Variants in ZNF836 observed in about 807,000 individuals in gnomAD.
ZNF836 encodes the protein zinc finger protein 836.
ZNF836 carries 12 observed loss-of-function variants against 7.4 expected under a neutral mutation model. That is an observed-to-expected ratio of 1.61 (90% CI 1.03 to 2.61). The LOEUF (loss-of-function observed/expected upper bound fraction) is 2.61, where lower values mean the gene tolerates loss of function less well. ZNF836 is among the 30% of genes most tolerant of loss of function. The pLI is 0.00. For synonymous variants in ZNF836, 365 were observed against 382.6 expected (o/e 0.95, Z 0.54); for missense variants, 998 against 1,126.2 (o/e 0.89, Z 1.63).
chr19:52,169,795 GA>G lies in ZNF836; in HGVS notation c.-214-15del, dbSNP rs11438599. On this transcript the variant is annotated splice_polypyrimidine_tract_variant and intron_variant, in intron 1 of 4. Coordinates refer to ENST00000682614, the MANE Select transcript of ZNF836 (RefSeq NM_001102657.3). ...CAGAGCAAGACCCTGTCTCAAAAAA[GA>G]AAAAAAAAAAAAAAAGACATACCTT... 2,855 of 75,580 alleles carry G rather than the reference GA, an allele frequency of 0.038. 75 individuals are homozygous for G. Among genetic ancestry groups the G allele is most frequent in the East Asian group, 0.18 (647 of 3,608 alleles). 4.7% of individuals were successfully genotyped at this position (75,580 alleles called of 1,614,324 possible). A position where few individuals can be genotyped will look rare whatever the true frequency, so the allele number is the denominator to read the frequency against.
chr19:52,154,402 T>C lies in ZNF836; in HGVS notation c.*470A>G, dbSNP rs141413267. ...TCAGCCAGGCGCAGTGGCTCACACC[T>C]ATAATCCCAGCACTTTGGGAGGCCG... is the stretch of plus-strand genomic sequence containing the variant. On this transcript the variant is annotated 3_prime_UTR_variant, in exon 5 of 5. Coordinates refer to ENST00000682614, the MANE Select transcript of ZNF836 (RefSeq NM_001102657.3). 2.2e-3 allele frequency among the ~76,000 whole-genome samples: 337 copies of C among 152,202 alleles called. 3 individuals carry two copies. Among genetic ancestry groups the C allele is most frequent in the Admixed American group, 7.3e-3 (111 of 15,282 alleles).
At position 52,155,650 on chromosome 19, in the gene ZNF836, C is replaced by T. The variant is rs1386637912; in HGVS notation, c.2033G>A (p.Arg678His). The T allele has an allele frequency of 6.2e-6, 10 of 1,613,928 alleles. No individual in the cohort carries two copies. Among genetic ancestry groups the T allele is most frequent in the South Asian group, 2.2e-5 (2 of 91,082 alleles). ...TATCAGATGTTTAGTGAGGCTTGAA[C>T]GCTGAGTATAGGCTTTGCCACAATC... is the stretch of plus-strand genomic sequence containing the variant. The part of the protein sequence containing the change: ...CNDCGKAYTQ[R>H]SSLTKHLIIH... Residue 678 changes from arginine (R) to histidine (H), a missense_variant, in exon 5 of 5, where the codon CGT becomes CAT. Coordinates refer to ENST00000682614, the MANE Select transcript of ZNF836 (RefSeq NM_001102657.3).
In ZNF836 at chr19:52,155,040, T is replaced by G. The variant is rs1360316641; in HGVS notation, c.2643A>C (p.Gln881His). ...AAGGTTTTTCTCCAGAATGAATCAT[T>G]TGGTGTTTGTTGAGGCAAGAAAACC... ...FGRFSCLNKHQMIHSGEKPYK... is the reference protein window; with the variant it reads ...FGRFSCLNKHHMIHSGEKPYK... The change falls in exon 5 of 5, where the codon CAA (glutamine) becomes CAC (histidine). Residue 881 changes from glutamine (Q) to histidine (H), a missense_variant. Transcript: ENST00000682614. The G allele has an allele frequency of 3.7e-6, 6 of 1,614,138 alleles. No homozygotes were observed. Among genetic ancestry groups the G allele is most frequent in the Admixed American group, 3.3e-5 (2 of 60,020 alleles).
In ZNF836 at chr19:52,161,520, C is replaced by T. The variant is rs1327283345; in HGVS notation, c.16-929G>A. Among the ~76,000 whole-genome samples the T allele has an allele frequency of 2.0e-5, 3 of 152,088 alleles. No individual in the cohort carries two copies. Among genetic ancestry groups the T allele is most frequent in the African/African-American group, 7.2e-5 (3 of 41,400 alleles). ...CTCCGTAGAATAAGCCTTTTGATAT[C>T]TCATTGACGAGAACACCATACCCAC... On this transcript the variant is annotated intron_variant, in intron 3 of 4. Transcript: ENST00000682614. The surrounding 1 kb of genome is among the most constrained non-coding windows in gnomAD (Gnocchi z 4.1).
intron 4 of ZNF836, 164 bp downstream of exon 4, chr19:52,160,301 A>T (rs2089201536): frequency 1.3e-6 from 1 of 754,308 alleles, no homozygotes; most frequent in African/African-American, 1.8e-5. Flanking sequence ...GTGTGATGAT[A>T]TGGGAAATGA....
chr19:52,171,337 T>TG lies in ZNF836; in HGVS notation c.-217dup, dbSNP rs1453729505. ...AAGGGAAGCAATTATCAGACTTACT[T>TG]GGGGCGAAGGGGCTGTTGCTGGTAT... On this transcript the variant is annotated splice_region_variant and 5_prime_UTR_variant, in exon 1 of 5. Coordinates refer to ENST00000682614, the MANE Select transcript of ZNF836 (RefSeq NM_001102657.3). 1.3e-5 allele frequency: 2 copies of TG among 152,408 alleles called. No homozygotes were observed. The highest frequency in any genetic ancestry group is 2.9e-5 in the Non-Finnish European group (2 of 68,244). The allele number at this position is 152,408 out of a possible 1,614,324, so 9.4% of individuals were successfully genotyped here.
Position 52,157,374 on chromosome 19 carries a change from T to C in ZNF836, c.309A>G (p.Lys103=), listed in dbSNP as rs897494260. 2 of 1,607,606 alleles carry C rather than the reference T, an allele frequency of 1.2e-6. No individual in the cohort carries two copies. The highest frequency in any genetic ancestry group is 2.7e-5 in the African/African-American group (2 of 74,430). Reference sequence around the variant, plus strand: ...CTTCTTTATAATTTATTTCACCATCTTTCCATTGAAACTCAAGGTCCTGTA... The same window carrying C: ...CTTCTTTATAATTTATTTCACCATCCTTCCATTGAAACTCAAGGTCCTGTA... ...KNLQDLEFQW[K]DGEINYKEVP... Residue 103 remains lysine, a synonymous_variant, in exon 5 of 5, where the codon AAA becomes AAG. Coordinates refer to ENST00000682614, the MANE Select transcript of ZNF836 (RefSeq NM_001102657.3).
chr19:52,156,205 G>C lies in ZNF836; in HGVS notation c.1478C>G (p.Thr493Ser). The C allele has an allele frequency of 6.2e-7, 1 of 1,614,194 alleles. No homozygotes were observed. The highest frequency in any genetic ancestry group is 8.5e-7 in the Non-Finnish European group (1 of 1,180,034). ...ATCACATTTGTAAGGTTTCTCTCCAGTATGAATTCTCCGATGCCCCACAAG... is the reference window on the plus strand; with the variant it reads ...ATCACATTTGTAAGGTTTCTCTCCACTATGAATTCTCCGATGCCCCACAAG... Reference protein sequence around the residue: ...SHLVGHRRIHTGEKPYKCDKC... With the variant: ...SHLVGHRRIHSGEKPYKCDKC... Residue 493 changes from threonine to serine, a missense_variant, in exon 5 of 5, where the codon ACT becomes AGT. By Grantham distance (58) the Thr-to-Ser change is moderately conservative (BLOSUM62 1). Transcript: ENST00000682614.
intron 4 of ZNF836, among the ~76,000 whole-genome samples, chr19:52,159,141 G>T (rs892921075): frequency 6.6e-6 from 1 of 152,096 alleles, no homozygotes; most frequent in East Asian, 1.9e-4. Context: ...TTGTTTAAAC[G>T]ACCCTATCTA....
chr19:52,164,612 G>C (rs1296033647), intron 3 of ZNF836, among the ~76,000 whole-genome samples: 6 of 151,980 alleles, frequency 3.9e-5, no homozygotes, highest in Admixed American at 3.9e-4. Context: ...AACTCAAAGG[G>C]GATTTTGACA....
At chr19:52,168,299 A>G (rs2089282942) in intron 2 of ZNF836, 147 bp from the exon 3 acceptor site, 1 of 541,532 alleles carries the variant, frequency 1.8e-6, no homozygotes, top group East Asian at 3.1e-5. Flanking sequence ...CTAAACAAAG[A>G]CCAAGTGTCC....
rs1193287189 is a variant in ZNF836, at chr19:52,169,775, C to G, written c.-208G>C. 2 of 143,832 alleles carry G rather than the reference C, an allele frequency of 1.4e-5. No individual in the cohort carries two copies. The highest frequency in any genetic ancestry group is 3.0e-5 in the Non-Finnish European group (2 of 66,798). 8.9% of individuals were successfully genotyped at this position (143,832 alleles called of 1,614,324 possible). A position where few individuals can be genotyped will look rare whatever the true frequency, so the allele number is the denominator to read the frequency against. On this transcript the variant is annotated 5_prime_UTR_variant, in exon 2 of 5. Coordinates refer to ENST00000682614, the MANE Select transcript of ZNF836 (RefSeq NM_001102657.3). ...GGCACTGTACTCTAGTCTGACAGAG[C>G]AAGACCCTGTCTCAAAAAAGAAAAA... is the stretch of plus-strand genomic sequence containing the variant.
Position 52,156,657 on chromosome 19 carries a change from G to A in ZNF836, c.1026C>T (p.Gly342=). The A allele has an allele frequency of 6.2e-7, 1 of 1,613,950 alleles. No individual in the cohort carries two copies. The highest frequency in any genetic ancestry group is 8.5e-7 in the Non-Finnish European group (1 of 1,179,950). The change falls in exon 5 of 5, where the codon GGC becomes GGT. Residue 342 remains glycine, a synonymous_variant. Coordinates refer to ENST00000682614, the MANE Select transcript of ZNF836 (RefSeq NM_001102657.3). ...TTATCTGATGTGTAGTGAGGCATGA[G>A]CCTTGTTTGAAGGTTTTCCCACACT... is the stretch of plus-strand genomic sequence containing the variant. ...CNECGKTFKQ[G]SCLTTHQIIH...
Position 52,155,466 on chromosome 19 carries a change from G to T in ZNF836, c.2217C>A (p.Tyr739Ter). The T allele has an allele frequency of 6.2e-7, 1 of 1,613,946 alleles. No individual in the cohort carries two copies. The highest frequency in any genetic ancestry group is 8.5e-7 in the Non-Finnish European group (1 of 1,179,910). The change falls in exon 5 of 5, where the codon TAC becomes TAA. Residue 739 changes from tyrosine (Y) to a stop codon, truncating the protein, a stop_gained. Transcript: ENST00000682614. LOFTEE classifies it low-confidence loss of function (END_TRUNC). ...TCTCTCCAGTATGCCTTCTCTGATG[G>T]TACGTCAGGCCTGTTATATGACTAA... ...RTFSHITGLT[Y>*]HQRRHTGEMP...
In ZNF836 at chr19:52,157,025, A is replaced by C; in HGVS notation, c.658T>G (p.Cys220Gly). ...KTHIREKPYMCKGCGKAFRVS... is the reference protein window; with the variant it reads ...KTHIREKPYMGKGCGKAFRVS... The stretch of plus-strand genomic sequence containing the variant: ...CTAAAGGCTTTGCCACACCCTTTAC[A>C]CATATAAGGTTTTTCCCTAATGTGT... Residue 220 changes from cysteine to glycine, a missense_variant, in exon 5 of 5, where the codon TGT becomes GGT. Transcript: ENST00000682614. The C allele has an allele frequency of 6.2e-7, 1 of 1,614,146 alleles. No individual in the cohort carries two copies. The highest frequency in any genetic ancestry group is 8.5e-7 in the Non-Finnish European group (1 of 1,180,010).
chr19:52,159,801 G>A (rs931926807), intron 4 of ZNF836, among the ~76,000 whole-genome samples: 1 of 152,164 alleles, frequency 6.6e-6, no homozygotes, highest in South Asian at 2.1e-4. Flanking sequence ...AGAGTTATAA[G>A]CATGGGGCAG....
rs1408191951 is a variant in ZNF836 at position 52,171,501 on chromosome 19, T to C, written c.-380A>G. ...ACTGACGCGCAGCGCTGTGATCTTT[T>C]CCCCGCGCGATCTGCTTCCGGGTGT... On this transcript the variant is annotated 5_prime_UTR_variant, in exon 1 of 5. Coordinates refer to ENST00000682614, the MANE Select transcript of ZNF836 (RefSeq NM_001102657.3). The C allele has an allele frequency of 6.6e-6, 1 of 152,094 alleles. No homozygotes were observed. The highest frequency in any genetic ancestry group is 1.5e-5 in the Non-Finnish European group (1 of 68,032). 9.4% of individuals were successfully genotyped at this position (152,094 alleles called of 1,614,324 possible).
intron 1 of ZNF836, chr19:52,170,247 C>G (rs971695177): frequency 3.9e-5 from 6 of 152,224 alleles, no homozygotes; most frequent in Non-Finnish European, 8.8e-5. Flanking sequence ...TACTTCACCT[C>G]TCGTAGCTCT....
chr19:52,167,369 G>T (rs1192546124), intron 3 of ZNF836, among the ~76,000 whole-genome samples: 1 of 150,574 alleles, frequency 6.6e-6, no homozygotes, highest in Non-Finnish European at 1.5e-5. Context: ...CTACTCAGGA[G>T]GCTGAGACAT....
Sources: allele counts gnomAD v4.1 joint callset (sites outside exome capture counted in the v4.1 genomes callset), GRCh38; gene constraint gnomAD v4.1.1; non-coding constraint Gnocchi (gnomAD v3.1); transcripts MANE v1.5; gene names NCBI Gene and HGNC (gene_info 2026-07-23, HGNC 2026-07-21).